Variants in ESYT1 observed in about 807,000 individuals in gnomAD.
ESYT1 encodes extended synaptotagmin-1.
Under a neutral mutation model 154.2 loss-of-function variants are expected in ESYT1, and 116 were observed. That is an observed-to-expected ratio of 0.75 (90% CI 0.65 to 0.88). ESYT1 has a LOEUF of 0.88. Among genes scored for constraint, ESYT1 ranks in the 40% least tolerant of loss-of-function variants. The pLI, the probability that ESYT1 is intolerant of heterozygous loss-of-function variation, is 0.00. For synonymous variants in ESYT1, 500 were observed against 539.9 expected (o/e 0.93, Z 1.02); for missense variants, 1,264 against 1,379.3 (o/e 0.92, Z 1.32).
rs867314675 is a variant in ESYT1, at chr12:56,143,921, C to T, written c.*59C>T. On this transcript the variant is annotated 3_prime_UTR_variant, in exon 31 of 31. Transcript: ENST00000394048. ...TCCTGCCTTCGTCTCGCTCCATCAC[C>T]GCCTCAATGTGATGAGCCTAAAGCT... The T allele has an allele frequency of 3.2e-5, 52 of 1,611,514 alleles. No homozygotes were observed. Among genetic ancestry groups the T allele is most frequent in the South Asian group, 2.7e-4 (25 of 91,036 alleles).
intron 15 of ESYT1, among the ~76,000 whole-genome samples, chr12:56,135,821 G>A (rs1008681141): frequency 2.6e-5 from 4 of 151,620 alleles, no homozygotes; most frequent in Non-Finnish European, 5.9e-5. Context: ...TCCGGGAGGC[G>A]GAGGTTGCAG....
chr12:56,132,710 G>A lies in ESYT1; in HGVS notation c.1162-9G>A, dbSNP rs371824003. 9.9e-6 allele frequency: 16 copies of A among 1,614,052 alleles called. No individual in the cohort carries two copies. Among genetic ancestry groups the A allele is most frequent in the Admixed American group, 1.7e-5 (1 of 59,998 alleles). On this transcript the variant is annotated splice_polypyrimidine_tract_variant and intron_variant, in intron 9 of 30. Transcript: ENST00000394048. Reference sequence around the variant, plus strand: ...CCCCATGAGACACTCAGCCTTCTGTGTTCCCCAGGTGATGGTACACGAGGT... The same window carrying A: ...CCCCATGAGACACTCAGCCTTCTGTATTCCCCAGGTGATGGTACACGAGGT...
Position 56,142,279 on chromosome 12 carries a change from C to T in ESYT1, c.2593-6C>T. On this transcript the variant is annotated splice_polypyrimidine_tract_variant and splice_region_variant and intron_variant, in intron 24 of 30. Coordinates refer to ENST00000394048, the MANE Select transcript of ESYT1 (RefSeq NM_015292.3). The surrounding 1 kb of genome is among the most constrained non-coding windows in gnomAD (Gnocchi z 4.1). Reference sequence around the variant, plus strand: ...GCCTCTTGATCATGGTCCTGTTGCCCCACAGGTTCGGGGTGAGGGCACTGG... The same window carrying T: ...GCCTCTTGATCATGGTCCTGTTGCCTCACAGGTTCGGGGTGAGGGCACTGG... The T allele has an allele frequency of 6.2e-7, 1 of 1,613,478 alleles. No individual in the cohort carries two copies. The highest frequency in any genetic ancestry group is 8.5e-7 in the Non-Finnish European group (1 of 1,179,684).
At chr12:56,132,970 T>C (rs1319259924) in intron 10 of ESYT1, among the ~76,000 whole-genome samples, 169 bp downstream of exon 10, 11 of 151,512 alleles carry the variant, frequency 7.3e-5, no homozygotes, top group Admixed American at 2.0e-4. Context: ...AATACAAAAA[T>C]TAGCCGGGTG....
rs1293083739 is a variant in ESYT1, at chr12:56,143,299, C to T, written c.3191C>T (p.Ser1064Phe). The change falls in exon 29 of 31, where the codon TCC becomes TTC. Residue 1064 changes from serine (S) to phenylalanine (F), a missense_variant. Transcript: ENST00000394048. ...GATGTCTCTGTCAAGTCTAATTCCTCCTTCATGTCAAGAGAGCGTGAGCTG... is the reference window on the plus strand; with the variant it reads ...GATGTCTCTGTCAAGTCTAATTCCTTCTTCATGTCAAGAGAGCGTGAGCTG... Reference protein sequence around the residue: ...KLDVSVKSNSSFMSRERELLG... With the variant: ...KLDVSVKSNSFFMSRERELLG... 6.2e-7 allele frequency: 1 copy of T among 1,614,142 alleles called. No individual in the cohort carries two copies. The highest frequency in any genetic ancestry group is 8.5e-7 in the Non-Finnish European group (1 of 1,180,026).
At chr12:56,138,097 C>G (rs1870538417) in intron 20 of ESYT1, 23 bp downstream of exon 20, 4 of 1,613,962 alleles carry the variant, frequency 2.5e-6, no homozygotes, top group Admixed American at 3.3e-5. Flanking sequence ...TTAGAGTCAA[C>G]AACCCCTCCT....
At position 56,133,800 on chromosome 12, in the gene ESYT1, G is replaced by A. The variant is rs761637260; in HGVS notation, c.1400G>A (p.Gly467Glu). ...KLEQVLQWNW[G>E]VSSRPDPPSA... ...CCCCAGGTTCTACAGTGGAATTGGG[G>A]AGTCTCCTCTCGACCAGATCCCCCG... Residue 467 changes from glycine (G) to glutamate (E), a missense_variant, in exon 13 of 31, where the codon GGA (glycine) becomes GAA (glutamate). Gly to Glu is a moderately conservative substitution (Grantham distance 98). Transcript: ENST00000394048. 5.0e-6 allele frequency: 8 copies of A among 1,614,044 alleles called. No homozygotes were observed. In the Admixed American group the frequency reaches 6.7e-5, roughly 13 times the overall value.
Position 56,144,544 on chromosome 12 carries a change from A to G in ESYT1, c.*682A>G, listed in dbSNP as rs1870843488. 6 of 985,582 alleles carry G rather than the reference A, an allele frequency of 6.1e-6. No homozygotes were observed. The South Asian group carries it at 2.8e-4, about 46-fold the overall frequency. 61.1% of individuals were successfully genotyped at this position (985,582 alleles called of 1,614,324 possible). Reference sequence around the variant, plus strand: ...GAGAGGGCTTTGGAGGACTTGGGACAGCAGGGCCAATTTTTTTGCCCAAGT... The same window carrying G: ...GAGAGGGCTTTGGAGGACTTGGGACGGCAGGGCCAATTTTTTTGCCCAAGT... On this transcript the variant is annotated 3_prime_UTR_variant, in exon 31 of 31. Coordinates refer to ENST00000394048, the MANE Select transcript of ESYT1 (RefSeq NM_015292.3).
At position 56,138,056 on chromosome 12, in the gene ESYT1, C is replaced by T. The variant is rs751648326; in HGVS notation, c.2229C>T (p.Asn743=). 1 of 1,614,224 alleles carries T rather than the reference C, an allele frequency of 6.2e-7. No individual in the cohort carries two copies. Among genetic ancestry groups the T allele is most frequent in the East Asian group, 2.2e-5 (1 of 44,892 alleles). The stretch of plus-strand genomic sequence containing the variant: ...AAGTGCGTCTCACCACAGTCTTAAA[C>T]AGTGGCTTCCTTGATGAGGTGAGCA... ...RCKVRLTTVL[N]SGFLDEWLTL... is the part of the protein sequence containing the mutation. Residue 743 remains asparagine, a synonymous_variant, in exon 20 of 31, where the codon AAC becomes AAT. Transcript: ENST00000394048.
rs2271190 is a variant in ESYT1 at position 56,138,336 on chromosome 12, C to A, written c.2337+64C>A. 4.5e-4 allele frequency: 732 copies of A among 1,610,880 alleles called. 12 individuals carry two copies. In the East Asian group the frequency reaches 0.011, roughly 24 times the overall value. ...GGGGCAGGATGAGCTCTTCTCTTAG[C>A]GTTCAAGGCACATGCCAGAACCCAA... is the stretch of plus-strand genomic sequence containing the variant. On this transcript the variant is annotated intron_variant, in intron 21 of 30. Coordinates refer to ENST00000394048, the MANE Select transcript of ESYT1 (RefSeq NM_015292.3).
At position 56,133,422 on chromosome 12, in the gene ESYT1, A is replaced by G. The variant is rs1159236880; in HGVS notation, c.1250A>G (p.Lys417Arg). The G allele has an allele frequency of 1.2e-6, 2 of 1,614,206 alleles. No individual in the cohort carries two copies. Among genetic ancestry groups the G allele is most frequent in the South Asian group, 2.2e-5 (2 of 91,088 alleles). ...PDKDDFLGRM[K>R]LDVGKVLQAS... ...TCTCCCCCGCCAACCCTCAGAATGAAGCTGGATGTAGGGAAGGTGTTACAG... is the reference window on the plus strand; with the variant it reads ...TCTCCCCCGCCAACCCTCAGAATGAGGCTGGATGTAGGGAAGGTGTTACAG... Residue 417 changes from lysine (K) to arginine (R), a missense_variant, in exon 11 of 31, where the codon AAG becomes AGG. Transcript: ENST00000394048.
At position 56,128,371 on chromosome 12, in the gene ESYT1, T is replaced by C. The variant is rs766776818; in HGVS notation, c.52T>C (p.Ser18Pro). Residue 18 changes from serine to proline, a missense_variant, in exon 1 of 31, where the codon TCT becomes CCT. Ser to Pro is a moderately conservative substitution (Grantham distance 74, BLOSUM62 -1). Coordinates refer to ENST00000394048, the MANE Select transcript of ESYT1 (RefSeq NM_015292.3). ...CAGCCCCAGCCCCATGGACCAGCCC[T>C]CTGCTCCCTCCGACCCCACTGACCA... ...GPSPSPMDQP[S>P]APSDPTDQPP... 1.5e-5 allele frequency: 24 copies of C among 1,612,364 alleles called. 1 individual carries two copies. The South Asian group carries it at 2.4e-4, about 16-fold the overall frequency.
At position 56,128,382 on chromosome 12, in the gene ESYT1, C is replaced by A; in HGVS notation, c.63C>A (p.Ser21=). 6.2e-7 allele frequency: 1 copy of A among 1,612,276 alleles called. No homozygotes were observed. Among genetic ancestry groups the A allele is most frequent in the South Asian group, 1.1e-5 (1 of 90,860 alleles). ...CCATGGACCAGCCCTCTGCTCCCTC[C>A]GACCCCACTGACCAGCCCCCCGCTG... ...PSPMDQPSAP[S]DPTDQPPAAH... is the part of the protein sequence containing the mutation. Residue 21 remains serine (S), a synonymous_variant, in exon 1 of 31, where the codon TCC becomes TCA. Transcript: ENST00000394048.
chr12:56,129,787 A>G (rs1870157434), intron 1 of ESYT1, among the ~76,000 whole-genome samples: 1 of 152,112 alleles, frequency 6.6e-6, no homozygotes, highest in African/African-American at 2.4e-5. Flanking sequence ...ACACACCCCA[A>G]AAAACCCACA....
Position 56,130,907 on chromosome 12 carries a change from A to G in ESYT1, c.549A>G (p.Arg183=). The G allele has an allele frequency of 6.2e-7, 1 of 1,614,132 alleles. No homozygotes were observed. The highest frequency in any genetic ancestry group is 8.5e-7 in the Non-Finnish European group (1 of 1,180,020). The stretch of plus-strand genomic sequence containing the variant: ...ATCTGCAAACATTTACATTTACACG[A>G]GTGGAACTGGGTGAAAAGGTATGTG... ...NPHLQTFTFT[R]VELGEKPLRI... The change falls in exon 3 of 31, where the codon CGA becomes CGG. Residue 183 remains arginine (R), a synonymous_variant. Coordinates refer to ENST00000394048, the MANE Select transcript of ESYT1 (RefSeq NM_015292.3).
chr12:56,128,276 C>G lies in ESYT1; in HGVS notation c.-44C>G, dbSNP rs754096145. On this transcript the variant is annotated 5_prime_UTR_variant, in exon 1 of 31. Coordinates refer to ENST00000394048, the MANE Select transcript of ESYT1 (RefSeq NM_015292.3). ...AGCTGATCGCAAGACTAGGCAACCT[C>G]CAGCCAGTCCCTGGGTCGGGCGGAT... The G allele has an allele frequency of 4.2e-5, 65 of 1,565,224 alleles. No individual in the cohort carries two copies. Among genetic ancestry groups the G allele is most frequent in the Non-Finnish European group, 5.2e-5 (61 of 1,162,558 alleles).
intron 10 of ESYT1, among the ~76,000 whole-genome samples, chr12:56,133,140 TA>T (rs1005964287): frequency 2.0e-5 from 3 of 151,314 alleles, no homozygotes; most frequent in East Asian, 1.9e-4. Context: ...AAAATAAAAA[TA>T]AAAAAAATAA....
rs1275594468 is a variant in ESYT1, at chr12:56,144,423, C to T, written c.*561C>T. 2.0e-6 allele frequency: 2 copies of T among 987,730 alleles called. No individual in the cohort carries two copies. The highest frequency in any genetic ancestry group is 2.4e-6 in the Non-Finnish European group (2 of 831,494). The allele number at this position is 987,730 out of a possible 1,614,324, so 61.2% of individuals were successfully genotyped here. ...ATTCTACTGCTTTGATGGCTGGGGCCAGTCTCTTGTCACTTTGGAAACTGA... is the reference window on the plus strand; with the variant it reads ...ATTCTACTGCTTTGATGGCTGGGGCTAGTCTCTTGTCACTTTGGAAACTGA... On this transcript the variant is annotated 3_prime_UTR_variant, in exon 31 of 31. Coordinates refer to ENST00000394048, the MANE Select transcript of ESYT1 (RefSeq NM_015292.3).
rs1033091887 is a variant in ESYT1 at position 56,128,313 on chromosome 12, T to C, written c.-7T>C. On this transcript the variant is annotated 5_prime_UTR_variant, in exon 1 of 31. Coordinates refer to ENST00000394048, the MANE Select transcript of ESYT1 (RefSeq NM_015292.3). ...TGGGTCGGGCGGATCCTCCCAGAGG[T>C]GGCACAATGGAGCGATCTCCAGGAG... 6.2e-7 allele frequency: 1 copy of C among 1,606,844 alleles called. No individual in the cohort carries two copies. Among genetic ancestry groups the C allele is most frequent in the Admixed American group, 1.7e-5 (1 of 59,386 alleles).
Sources: gnomAD v4.1 joint callset for allele counts (sites outside exome capture counted in the v4.1 genomes callset) on GRCh38, gnomAD v4.1.1 for gene constraint, Gnocchi (gnomAD v3.1) non-coding constraint, MANE v1.5 for transcripts, NCBI Gene and HGNC (gene_info 2026-07-23, HGNC 2026-07-21) for gene names.